The following PITPNM1 variants were observed in gnomAD, a reference collection of about 807,000 sequenced individuals.
PITPNM1 encodes the protein membrane-associated phosphatidylinositol transfer protein 1.
PITPNM1 carries 74 observed loss-of-function variants against 133.3 expected under a neutral mutation model. The ratio of observed to expected loss-of-function variants is 0.56; its 90% CI spans 0.46 to 0.67. PITPNM1 has a LOEUF of 0.67. Among genes scored for constraint, PITPNM1 ranks in the 30% least tolerant of loss-of-function variants. PITPNM1 has a pLI of 0.00. For missense variants in PITPNM1, 1,398 were observed against 1,739.5 expected, an observed-to-expected ratio of 0.80 and a Z score of 3.49; for synonymous variants, 738 against 741.4, an observed-to-expected ratio of 1.00 and a Z score of 0.08.
intron 5 of PITPNM1, among the ~76,000 whole-genome samples, chr11:67,501,115 TGTG>T (rs1359521545): frequency 6.6e-6 from 1 of 152,230 alleles, no homozygotes; most frequent in Non-Finnish European, 1.5e-5. Context: ...GGTGGGGTGT[TGTG>T]GGTGTTAAGG....
Position 67,500,150 on chromosome 11 carries a change from G to A in PITPNM1, c.912C>T (p.Ser304=). 1 of 1,593,186 alleles carries A rather than the reference G, an allele frequency of 6.3e-7. No individual in the cohort carries two copies. Among genetic ancestry groups the A allele is most frequent in the Non-Finnish European group, 8.6e-7 (1 of 1,169,098 alleles). The change falls in exon 6 of 24, where the codon AGC becomes AGT. Residue 304 remains serine, a synonymous_variant. Coordinates refer to ENST00000356404, the MANE Select transcript of PITPNM1 (RefSeq NM_004910.3). The part of the protein sequence containing the change: ...PPGPDASPDA[S]FGKQWSSSSR... ...AGGATGAGGACCACTGCTTCCCAAAGCTGGCATCGGGGGAGGCATCTGGGC... is the reference window on the plus strand; with the variant it reads ...AGGATGAGGACCACTGCTTCCCAAAACTGGCATCGGGGGAGGCATCTGGGC...
rs1181837261 is a variant in PITPNM1 at position 67,499,999 on chromosome 11, A to G, written c.978T>C (p.Ser326=). The change falls in exon 7 of 24, where the codon TCT becomes TCC. Residue 326 remains serine (S), a synonymous_variant. Coordinates refer to ENST00000356404, the MANE Select transcript of PITPNM1 (RefSeq NM_004910.3). ...TGCGCCACTCAGACAAGCTCTGGGGAGACACAGCCCCTGCCGGGCCAGCTC... is the reference window on the plus strand; with the variant it reads ...TGCGCCACTCAGACAAGCTCTGGGGGGACACAGCCCCTGCCGGGCCAGCTC... ...SYSSQHGGAV[S]PQSLSEWRMQ... is the part of the protein sequence containing the mutation. 2.5e-6 allele frequency: 4 copies of G among 1,612,004 alleles called. No homozygotes were observed. Among genetic ancestry groups the G allele is most frequent in the African/African-American group, 2.7e-5 (2 of 74,900 alleles).
chr11:67,501,959 T>A lies in PITPNM1; in HGVS notation c.543A>T (p.Ala181=), dbSNP rs763692694. Residue 181 remains alanine (A), a synonymous_variant, in exon 5 of 24, where the codon GCA becomes GCT. Coordinates refer to ENST00000356404, the MANE Select transcript of PITPNM1 (RefSeq NM_004910.3). Reference sequence around the variant, plus strand: ...AGGCACACATAAGGGGCCCCGTCTGTGCCGCCGTCCGTGCCCAGTCATCAG... The same window carrying A: ...AGGCACACATAAGGGGCCCCGTCTGAGCCGCCGTCCGTGCCCAGTCATCAG... ...PLSDDWARTA[A]QTGPLMCAYK... 1 of 1,613,532 alleles carries A rather than the reference T, an allele frequency of 6.2e-7. No homozygotes were observed. The highest frequency in any genetic ancestry group is 2.2e-5 in the East Asian group (1 of 44,878).
intron 5 of PITPNM1, 94 bp from the exon 6 acceptor site, chr11:67,500,515 T>C (rs1383493002): frequency 7.9e-7 from 1 of 1,272,574 alleles, no homozygotes; most frequent in Non-Finnish European, 1.1e-6. Context: ...ATGGCTCCCC[T>C]GGGGACACCA....
intron 16 of PITPNM1, 73 bp from the exon 17 acceptor site, chr11:67,495,298 C>G (rs1432780580): frequency 6.7e-7 from 1 of 1,494,532 alleles, no homozygotes; most frequent in East Asian, 2.4e-5. Flanking sequence ...GGGTGCTCTT[C>G]CCTCCCCCCT....
At chr11:67,505,694 T>C (rs539826943), upstream of PITPNM1, among the ~76,000 whole-genome samples, 3 of 152,262 alleles carry the variant, frequency 2.0e-5, no homozygotes, top group South Asian at 6.2e-4. The surrounding 1 kb of genome is among the most constrained non-coding windows in gnomAD (Gnocchi z 5.8). Flanking sequence ...CTGCAGTCCT[T>C]AGATTTGGGA....
chr11:67,495,301 TCCC>T (rs1396148362), intron 16 of PITPNM1, 76 bp from the exon 17 acceptor site: 49 of 1,484,836 alleles, frequency 3.3e-5, no homozygotes, highest in Non-Finnish European at 4.0e-5. Flanking sequence ...TGCTCTTCCC[TCCC>T]CCCTTTTCAC....
rs763165016 is a variant in PITPNM1 at position 67,497,898 on chromosome 11, C to G, written c.1782+19G>C. On this transcript the variant is annotated intron_variant, in intron 12 of 23. Coordinates refer to ENST00000356404, the MANE Select transcript of PITPNM1 (RefSeq NM_004910.3). ...AGGGCCTTTCCGCTCCTGAGGAGGC[C>G]GGGTTTGGCTATACTGACCATGCTC... 3 of 1,605,708 alleles carry G rather than the reference C, an allele frequency of 1.9e-6. No homozygotes were observed. Among genetic ancestry groups the G allele is most frequent in the Non-Finnish European group, 1.7e-6 (2 of 1,176,456 alleles).
At chr11:67,493,872 G>A (rs1866017789) in intron 20 of PITPNM1, 35 bp from the exon 21 acceptor site, 1 of 1,520,892 alleles carries the variant, frequency 6.6e-7, no homozygotes. Context: ...AGTGGCGCGG[G>A]GCGAGGCCTG....
chr11:67,500,388 TG>T lies in PITPNM1; in HGVS notation c.673del (p.Gln225ArgfsTer12). ...LRRVMLRAHR[Q>X]AWCWQDEWTE... is the part of the protein sequence containing the mutation. ...CCACTCATCCTGCCAGCACCAGGCC[TG>T]GCGGTGGGCCCGCAGCATCACCCGA... On this transcript the variant is annotated frameshift_variant, in exon 6 of 24. Transcript: ENST00000356404. LOFTEE classifies it high-confidence loss of function. 6.2e-7 allele frequency: 1 copy of T among 1,611,480 alleles called. No individual in the cohort carries two copies. Among genetic ancestry groups the T allele is most frequent in the Non-Finnish European group, 8.5e-7 (1 of 1,179,826 alleles).
At chr11:67,500,479 T>C (rs1866291436) in intron 5 of PITPNM1, 58 bp from the exon 6 acceptor site, 9 of 1,523,250 alleles carry the variant, frequency 5.9e-6, no homozygotes, top group Non-Finnish European at 7.1e-6. Context: ...CCACCGCAGC[T>C]ACATGCCCAG....
upstream of PITPNM1, among the ~76,000 whole-genome samples, chr11:67,505,903 C>A (rs1866494923): frequency 6.6e-6 from 1 of 152,256 alleles, no homozygotes; most frequent in Non-Finnish European, 1.5e-5. The surrounding 1 kb of genome is among the most constrained non-coding windows in gnomAD (Gnocchi z 5.8). Context: ...CCCACCTCTG[C>A]CTTCCGGGTC....
rs201792327 is a variant in PITPNM1, at chr11:67,494,950, C to G, written c.2638G>C (p.Glu880Gln). ...VVAFILRQVI[E>Q]KERPQLAECE... ...TCCGCCAGCTGTGGCCGCTCCTTCTCGATCACCTGCACGGGACAGGGGGCG... is the reference window on the plus strand; with the variant it reads ...TCCGCCAGCTGTGGCCGCTCCTTCTGGATCACCTGCACGGGACAGGGGGCG... The change falls in exon 18 of 24, where the codon GAG becomes CAG. Residue 880 changes from glutamate to glutamine, a missense_variant. Physicochemically the swap from Glu to Gln is conservative, Grantham distance 29. Around this residue, in one of 5 missense-constraint regions of PITPNM1, gnomAD observed 574 missense variants for 698.7 expected, o/e 0.82. Transcript: ENST00000356404. 25 of 1,612,510 alleles carry G rather than the reference C, an allele frequency of 1.6e-5. No homozygotes were observed. The Admixed American group carries it at 4.0e-4, about 26-fold the overall frequency.
rs748601200 is a variant in PITPNM1 at position 67,502,352 on chromosome 11, C to G, written c.355G>C (p.Gly119Arg). The G allele has an allele frequency of 2.5e-6, 4 of 1,613,662 alleles. No individual in the cohort carries two copies. Among genetic ancestry groups the G allele is most frequent in the Non-Finnish European group, 2.5e-6 (3 of 1,180,024 alleles). Reference sequence around the variant, plus strand: ...TTGAAGACGTTTGGCTGCTGCCCCCCATCAGGCAGGTAATAGGTCTCAATT... The same window carrying G: ...TTGAAGACGTTTGGCTGCTGCCCCCGATCAGGCAGGTAATAGGTCTCAATT... ...IEIETYYLPD[G>R]GQQPNVFNLS... The change falls in exon 4 of 24, where the codon GGG (glycine) becomes CGG (arginine). Residue 119 changes from glycine to arginine, a missense_variant. This residue lies in a region of PITPNM1 where 274 missense variants were observed against 360.7 expected (regional missense o/e 0.76). Transcript: ENST00000356404. The surrounding 1 kb of genome is among the most constrained non-coding windows in gnomAD (Gnocchi z 5.9).
chr11:67,502,587 T>C lies in PITPNM1; in HGVS notation c.210A>G (p.Pro70=). 1 of 1,613,642 alleles carries C rather than the reference T, an allele frequency of 6.2e-7. No individual in the cohort carries two copies. Among genetic ancestry groups the C allele is most frequent in the Non-Finnish European group, 8.5e-7 (1 of 1,180,014 alleles). ...TGGGCAGCAGTGCCCGGAACCAGCC[T>C]GGGATGTGGGAGCCCACGTGGTACA... The part of the protein sequence containing the change: ...HKVYHVGSHI[P]GWFRALLPKA... Residue 70 remains proline, a synonymous_variant, in exon 3 of 24, where the codon CCA becomes CCG. Transcript: ENST00000356404. The surrounding 1 kb of genome is among the most constrained non-coding windows in gnomAD (Gnocchi z 5.9).
intron 18 of PITPNM1, 117 bp downstream of exon 18, chr11:67,494,727 GGA>G: frequency 1.5e-6 from 1 of 670,962 alleles, no homozygotes; most frequent in Non-Finnish European, 2.6e-6. Context: ...GGCAGGACTG[GGA>G]GAGAGTTGGA....
Position 67,504,088 on chromosome 11 carries a change from C to A in PITPNM1, c.78+15G>T. ...TCCACCCCTTGCCCGGGTGCCCTCT[C>A]CCCGCCGCCCTCACCTGGATCATGT... On this transcript the variant is annotated intron_variant, in intron 2 of 23. Transcript: ENST00000356404. This position sits in a 1 kb window ranked among gnomAD's most constrained non-coding sequence, Gnocchi z 5.4. 1 of 1,584,888 alleles carries A rather than the reference C, an allele frequency of 6.3e-7. No homozygotes were observed. The highest frequency in any genetic ancestry group is 8.6e-7 in the Non-Finnish European group (1 of 1,168,364).
chr11:67,499,019 CAG>C lies in PITPNM1; in HGVS notation c.1172-20_1172-19del. Reference sequence around the variant, plus strand: ...TCCAGGCTCTGCAGGGCAACGAAGCCAGTGAGAGGGACGGAGAGGACCACTGG... The same window carrying C: ...TCCAGGCTCTGCAGGGCAACGAAGCCTGAGAGGGACGGAGAGGACCACTGG... On this transcript the variant is annotated intron_variant, in intron 8 of 23. Coordinates refer to ENST00000356404, the MANE Select transcript of PITPNM1 (RefSeq NM_004910.3). 1.9e-6 allele frequency: 3 copies of C among 1,606,320 alleles called. No homozygotes were observed. Among genetic ancestry groups the C allele is most frequent in the Non-Finnish European group, 2.5e-6 (3 of 1,176,770 alleles).
In PITPNM1 at chr11:67,497,436, G is replaced by C. The variant is rs200208266; in HGVS notation, c.1941C>G (p.Ser647Arg). The change falls in exon 14 of 24, where the codon AGC (serine) becomes AGG (arginine). Residue 647 changes from serine to arginine, a missense_variant and splice_region_variant. Physicochemically the swap from Ser to Arg is moderately radical, Grantham distance 110 (BLOSUM62 -1). This residue lies in a region of PITPNM1 where 574 missense variants were observed against 698.7 expected (regional missense o/e 0.82). Transcript: ENST00000356404. ...ASPEPEGSQN[S>R]LQAAPATTSS... is the part of the protein sequence containing the mutation. Reference sequence around the variant, plus strand: ...AGGTGGTTGCGGGGGCTGCCTGAAGGCTGTGGGGGAGGAGGGGTGCTCAGT... The same window carrying C: ...AGGTGGTTGCGGGGGCTGCCTGAAGCCTGTGGGGGAGGAGGGGTGCTCAGT... 6.0e-4 allele frequency: 959 copies of C among 1,590,912 alleles called. 11 individuals are homozygous for C. In the South Asian group the frequency reaches 0.01, roughly 17 times the overall value.
Sources: allele counts gnomAD v4.1 joint callset (sites outside exome capture counted in the v4.1 genomes callset), GRCh38; gene constraint gnomAD v4.1.1; regional missense constraint gnomAD v4.1.1; non-coding constraint Gnocchi (gnomAD v3.1); transcripts MANE v1.5; gene names NCBI Gene and HGNC (gene_info 2026-07-23, HGNC 2026-07-21).